The following PTPN3 variants were observed in gnomAD, a reference collection of about 807,000 sequenced individuals.
PTPN3 encodes protein tyrosine phosphatase non-receptor type 3.
A neutral mutation model predicts 132.7 loss-of-function variants in PTPN3; 96 were observed. The observed-to-expected ratio is 0.72, with a 90% confidence interval of 0.61 to 0.86. The LOEUF (loss-of-function observed/expected upper bound fraction) is 0.86. PTPN3 is among the 40% of genes least tolerant of loss of function. PTPN3 has a pLI of 0.00. For missense variants in PTPN3, 1,125 were observed against 1,159.6 expected, an observed-to-expected ratio of 0.97 and a Z score of 0.43; for synonymous variants, 398 against 429.0, an observed-to-expected ratio of 0.93 and a Z score of 0.89.
At chr9:109,421,610 G>A (rs76404745) in intron 13 of PTPN3, among the ~76,000 whole-genome samples, 5,888 of 152,324 alleles carry the variant, frequency 0.039, 152 homozygotes, top group East Asian at 0.15. Flanking sequence ...CATTGCTGCC[G>A]ATGAGATTTT....
chr9:109,495,884 G>C (rs1847646194), intron 1 of PTPN3, among the ~76,000 whole-genome samples: 1 of 152,190 alleles, frequency 6.6e-6, no homozygotes, highest in African/African-American at 2.4e-5. Flanking sequence ...CCTGCTCCAA[G>C]CTGTCTGAGG....
chr9:109,486,171 C>T (rs1541088), intron 1 of PTPN3, among the ~76,000 whole-genome samples: 2,788 of 152,068 alleles, frequency 0.018, 87 homozygotes, highest in African/African-American at 0.064. Flanking sequence ...AGGCAGAGTA[C>T]AGGACCCAGC....
At chr9:109,449,194 T>C in intron 5 of PTPN3, 1 of 1,090,868 alleles carries the variant, frequency 9.2e-7, no homozygotes, top group South Asian at 3.2e-5. Context: ...GCCCCTGCCC[T>C]TGAGGACCAG....
intron 19 of PTPN3, among the ~76,000 whole-genome samples, chr9:109,396,034 G>T (rs1363320642): frequency 6.6e-6 from 1 of 151,970 alleles, no homozygotes; most frequent in Non-Finnish European, 1.5e-5. Flanking sequence ...GCTAATTTTA[G>T]TATTTTTAGT....
intron 4 of PTPN3, among the ~76,000 whole-genome samples, chr9:109,456,228 T>C (rs1266754183): frequency 6.6e-6 from 1 of 152,250 alleles, no homozygotes; most frequent in African/African-American, 2.4e-5. Flanking sequence ...CACTCCGCCA[T>C]GCACTGGCCA....
intron 5 of PTPN3, among the ~76,000 whole-genome samples, chr9:109,452,997 AT>A (rs1188073127): frequency 6.6e-6 from 1 of 152,112 alleles, no homozygotes. Flanking sequence ...TTTCTATCCT[AT>A]CCCCAGTTTA....
chr9:109,514,382 G>C, the PTPN3 span, among the ~76,000 whole-genome samples: 1 of 152,166 alleles, frequency 6.6e-6, no homozygotes, highest in Non-Finnish European at 1.5e-5. Context: ...TGCCATATTT[G>C]AGGGTAACAA....
the PTPN3 span, among the ~76,000 whole-genome samples, chr9:109,503,550 A>T: frequency 6.6e-6 from 1 of 152,142 alleles, no homozygotes; most frequent in East Asian, 1.9e-4. Context: ...ACTTAAAAAA[A>T]ATACAAAAAT....
chr9:109,477,274 C>T (rs759051618), intron 1 of PTPN3, among the ~76,000 whole-genome samples: 53 of 152,148 alleles, frequency 3.5e-4, no homozygotes, highest in Non-Finnish European at 6.8e-4. Flanking sequence ...AAACACTCCC[C>T]GAGGCTCTCA....
chr9:109,428,095 C>T (rs1375915158), intron 11 of PTPN3, among the ~76,000 whole-genome samples: 1 of 152,218 alleles, frequency 6.6e-6, no homozygotes, highest in Non-Finnish European at 1.5e-5. Context: ...GGGAACTGAC[C>T]TTGCTGACAT....
At chr9:109,471,200 G>A (rs1006422188) in intron 1 of PTPN3, among the ~76,000 whole-genome samples, 1 of 152,112 alleles carries the variant, frequency 6.6e-6, no homozygotes, top group Non-Finnish European at 1.5e-5. Context: ...GGGGCTACAG[G>A]CCTGTGCCAC....
intron 14 of PTPN3, among the ~76,000 whole-genome samples, chr9:109,413,248 C>T (rs1488221385): frequency 6.6e-6 from 1 of 152,136 alleles, no homozygotes; most frequent in Non-Finnish European, 1.5e-5. Context: ...GCCACCGTGC[C>T]CGGCCTGCCC....
intron 14 of PTPN3, chr9:109,417,829 C>T (rs1305980944): frequency 1.0e-6 from 1 of 962,506 alleles, no homozygotes; most frequent in South Asian, 4.8e-5. Flanking sequence ...CTGTTATTTG[C>T]TATTCTTAAC....
chr9:109,483,504 C>G (rs963560167), intron 1 of PTPN3, among the ~76,000 whole-genome samples: 2 of 152,172 alleles, frequency 1.3e-5, no homozygotes, highest in Non-Finnish European at 2.9e-5. Flanking sequence ...ATGCAGAAAT[C>G]ACAGCTTTCC....
At chr9:109,424,807 T>C (rs537149971) in intron 12 of PTPN3, among the ~76,000 whole-genome samples, 38 of 152,358 alleles carry the variant, frequency 2.5e-4, no homozygotes, top group African/African-American at 8.9e-4. Flanking sequence ...TATAACAGAA[T>C]GGGTGTTGCT....
intron 2 of PTPN3, among the ~76,000 whole-genome samples, chr9:109,458,838 TA>T (rs2132035098): frequency 6.6e-6 from 1 of 152,376 alleles, no homozygotes; most frequent in East Asian, 1.9e-4. Flanking sequence ...TATGATTTTA[TA>T]TTACATTTAA....
chr9:109,526,642 T>C, the PTPN3 span, among the ~76,000 whole-genome samples: 1 of 152,128 alleles, frequency 6.6e-6, no homozygotes, highest in African/African-American at 2.4e-5. Context: ...GCCACTGCAC[T>C]CCAGCGTAGG....
chr9:109,516,108 C>T, the PTPN3 span, among the ~76,000 whole-genome samples: 1 of 152,264 alleles, frequency 6.6e-6, no homozygotes, highest in Non-Finnish European at 1.5e-5. Context: ...TTAATGAAGC[C>T]ATCTGTCCTA....
rs542467490 is a variant in PTPN3, at chr9:109,437,699, AG to A, written c.587+414del. 2.6e-5 allele frequency among the ~76,000 whole-genome samples: 4 copies of A among 152,348 alleles called. No individual in the cohort carries two copies. In the South Asian group the frequency reaches 6.2e-4, roughly 24 times the overall value. ...AGGGCACTTTTCATGAACTGAACAC[AG>A]GAGACTGGTCAGCACTGTACGTCCA... On this transcript the variant is annotated intron_variant, in intron 8 of 25. Coordinates refer to ENST00000374541, the MANE Select transcript of PTPN3 (RefSeq NM_002829.4).
Sources: allele counts gnomAD v4.1 joint callset (sites outside exome capture counted in the v4.1 genomes callset), GRCh38; gene constraint gnomAD v4.1.1; transcripts MANE v1.5; gene names NCBI Gene and HGNC (gene_info 2026-07-23, HGNC 2026-07-21).